ACOXL: variants seen among roughly 807,000 people sequenced by gnomAD.
The protein encoded by ACOXL is acyl-coenzyme A oxidase-like protein.
A neutral mutation model predicts 71.9 loss-of-function variants in ACOXL; 70 were observed. The observed-to-expected ratio is 0.97, with a 90% CI of 0.80 to 1.19. The LOEUF (loss-of-function observed/expected upper bound fraction) is 1.19, where lower values mean the gene tolerates loss of function less well. ACOXL is among the 50% of genes most tolerant of loss of function. ACOXL has a pLI of 0.00. For synonymous variants in ACOXL, 253 were observed against 281.6 expected (o/e 0.90, Z 1.02); for missense variants, 703 against 736.3 (o/e 0.95, Z 0.52).
intron 12 of ACOXL, among the ~76,000 whole-genome samples, chr2:110,984,811 T>C (rs1291672305): frequency 6.6e-6 from 1 of 152,234 alleles, no homozygotes; most frequent in African/African-American, 2.4e-5. Flanking sequence ...AATGTACTTA[T>C]TCATTTACTC....
chr2:110,808,040 G>C (rs1329503520), intron 9 of ACOXL, among the ~76,000 whole-genome samples: 3 of 151,960 alleles, frequency 2.0e-5, no homozygotes, highest in African/African-American at 7.3e-5. Context: ...TTGCCATATT[G>C]ACCATCATCT....
At chr2:111,012,040 C>T (rs2064193508) in intron 14 of ACOXL, among the ~76,000 whole-genome samples, 1 of 151,858 alleles carries the variant, frequency 6.6e-6, no homozygotes. Context: ...ATTGACAGAA[C>T]CATGGAAGAA....
intron 14 of ACOXL, among the ~76,000 whole-genome samples, chr2:111,021,049 C>G (rs772351292): frequency 6.6e-6 from 1 of 152,186 alleles, no homozygotes; most frequent in African/African-American, 2.4e-5. Flanking sequence ...CTCAGGGGCA[C>G]GCCTCCCTAG....
intron 14 of ACOXL, among the ~76,000 whole-genome samples, chr2:110,996,272 T>A (rs1003038501): frequency 5.3e-5 from 8 of 152,194 alleles, no homozygotes; most frequent in Non-Finnish European, 7.3e-5. Flanking sequence ...GTGGTGTAAT[T>A]TTCAGCCCTT....
chr2:110,895,664 C>T (rs1484954228), intron 10 of ACOXL, among the ~76,000 whole-genome samples: 1 of 120,218 alleles, frequency 8.3e-6, no homozygotes, highest in Non-Finnish European at 1.9e-5. Flanking sequence ...ATCTTGAAAA[C>T]AATAGAGAGA....
intron 1 of ACOXL, among the ~76,000 whole-genome samples, chr2:110,738,773 T>G (rs1310855729): frequency 2.6e-5 from 4 of 152,218 alleles, no homozygotes; most frequent in Non-Finnish European, 5.9e-5. Context: ...CTGGAACTCC[T>G]TTTGCTCAGA....
intron 11 of ACOXL, among the ~76,000 whole-genome samples, chr2:110,920,227 T>C (rs748980820): frequency 4.6e-5 from 7 of 152,332 alleles, no homozygotes; most frequent in Admixed American, 2.6e-4. Flanking sequence ...TGCCAGCCAT[T>C]GTTATTGTCA....
intron 14 of ACOXL, among the ~76,000 whole-genome samples, chr2:111,001,951 T>C (rs796854285): frequency 2.6e-5 from 4 of 152,340 alleles, no homozygotes; most frequent in African/African-American, 9.6e-5. Context: ...GATCCCTGCC[T>C]CCTGTAGTCA....
intron 16 of ACOXL, among the ~76,000 whole-genome samples, chr2:111,053,019 C>T (rs1227080403): frequency 1.3e-5 from 2 of 152,186 alleles, no homozygotes; most frequent in African/African-American, 4.8e-5. Flanking sequence ...GGACAAGTTT[C>T]TATCCCCACT....
At chr2:111,020,047 A>G (rs990313719) in intron 14 of ACOXL, among the ~76,000 whole-genome samples, 15 of 152,208 alleles carry the variant, frequency 9.9e-5, no homozygotes, top group Non-Finnish European at 2.2e-4. Flanking sequence ...TTTAGTAGAG[A>G]TGGGGTTTCA....
intron 17 of ACOXL, among the ~76,000 whole-genome samples, chr2:111,106,916 T>C (rs2069576078): frequency 6.6e-6 from 1 of 152,218 alleles, no homozygotes; most frequent in Non-Finnish European, 1.5e-5. Context: ...ACACTGGCAG[T>C]GACTCTGTTA....
chr2:110,746,807 C>G (rs947260836), intron 1 of ACOXL, among the ~76,000 whole-genome samples: 2 of 151,468 alleles, frequency 1.3e-5, no homozygotes, highest in South Asian at 4.2e-4. Context: ...CCCCCTTTCC[C>G]CCTCTTCTCC....
chr2:110,787,704 C>T (rs918335512), intron 3 of ACOXL, among the ~76,000 whole-genome samples: 3 of 152,096 alleles, frequency 2.0e-5, no homozygotes, highest in African/African-American at 7.2e-5. Flanking sequence ...TTCCACTCTC[C>T]TCTTCTTCTG....
chr2:110,946,422 G>A (rs544796371), intron 12 of ACOXL, among the ~76,000 whole-genome samples: 1 of 152,306 alleles, frequency 6.6e-6, no homozygotes, highest in South Asian at 2.1e-4. Context: ...GTACTATGCT[G>A]AATATAAGTG....
intron 10 of ACOXL, among the ~76,000 whole-genome samples, chr2:110,880,216 C>G (rs567572482): frequency 3.4e-5 from 5 of 147,100 alleles, no homozygotes; most frequent in African/African-American, 1.3e-4. Flanking sequence ...GTAAAAGATA[C>G]AAGAAATGCA....
At chr2:110,931,542 T>C (rs753926662) in intron 11 of ACOXL, among the ~76,000 whole-genome samples, 1 of 152,158 alleles carries the variant, frequency 6.6e-6, no homozygotes, top group Non-Finnish European at 1.5e-5. Context: ...TTATCTATAA[T>C]GAAAAGAACA....
intron 14 of ACOXL, among the ~76,000 whole-genome samples, chr2:111,022,077 A>G (rs2149710786): frequency 6.6e-6 from 1 of 152,286 alleles, no homozygotes; most frequent in South Asian, 2.1e-4. Context: ...GGAAGGCCGG[A>G]CGTGGTGGCT....
intron 1 of ACOXL, among the ~76,000 whole-genome samples, chr2:110,745,528 G>A (rs548024870): frequency 6.8e-6 from 1 of 146,538 alleles, no homozygotes; most frequent in Non-Finnish European, 1.5e-5. Context: ...CTTTCCCTTA[G>A]TCTCTGGACC....
rs188268324 is a variant in ACOXL, at chr2:110,978,596, G to A, written c.1060-8512G>A. 2.6e-3 allele frequency among the ~76,000 whole-genome samples: 389 copies of A among 152,232 alleles called. 3 individuals are homozygous for A. Among genetic ancestry groups the A allele is most frequent in the African/African-American group, 8.9e-3 (368 of 41,542 alleles). On this transcript the variant is annotated intron_variant, in intron 12 of 17. Transcript: ENST00000439055. Reference sequence around the variant, plus strand: ...TCTGTCACATGTTATTAGGGCTGTTGATTTGAATCTTATTGGTTTTGTAGT... The same window carrying A: ...TCTGTCACATGTTATTAGGGCTGTTAATTTGAATCTTATTGGTTTTGTAGT...
Sources: allele counts gnomAD v4.1 joint callset (sites outside exome capture counted in the v4.1 genomes callset), GRCh38; gene constraint gnomAD v4.1.1; transcripts MANE v1.5; gene names NCBI Gene and HGNC (gene_info 2026-07-23, HGNC 2026-07-21).